Variants in YTHDC2 observed in about 807,000 individuals in gnomAD.
YTHDC2 encodes the protein 3'-5' RNA helicase YTHDC2.
Under a neutral mutation model 174.9 loss-of-function variants are expected in YTHDC2, and 45 were observed. The observed-to-expected ratio is 0.26, with a 90% CI of 0.20 to 0.33. The LOEUF (loss-of-function observed/expected upper bound fraction) is 0.33. Among genes scored for constraint, YTHDC2 ranks in the 10% least tolerant of loss-of-function variants. The probability of loss-of-function intolerance (pLI) is 1.00; values close to 1 mark genes in which losing one functional copy is unlikely to be tolerated. For missense variants in YTHDC2, 1,650 were observed against 1,723.7 expected (o/e 0.96, Z 0.76); for synonymous variants, 657 against 574.5 (o/e 1.14, Z -2.05).
Position 113,540,955 on chromosome 5 carries a change from A to G in YTHDC2, c.1211-13A>G, listed in dbSNP as rs762430108. On this transcript the variant is annotated splice_polypyrimidine_tract_variant and intron_variant, in intron 8 of 29. Coordinates refer to ENST00000161863, the MANE Select transcript of YTHDC2 (RefSeq NM_022828.5). ...GATTTGTCTACATATTCTTTCTTTGATAATTAATTTAGAAGAGAAACAACA... is the reference window on the plus strand; with the variant it reads ...GATTTGTCTACATATTCTTTCTTTGGTAATTAATTTAGAAGAGAAACAACA... The G allele has an allele frequency of 8.1e-6, 13 of 1,603,838 alleles. No individual in the cohort carries two copies. The highest frequency in any genetic ancestry group is 1.3e-5 in the African/African-American group (1 of 74,316).
intron 2 of YTHDC2, among the ~76,000 whole-genome samples, chr5:113,523,129 T>A (rs1773991253): frequency 6.6e-6 from 1 of 152,124 alleles, no homozygotes. Flanking sequence ...ATAAAGTCAG[T>A]GTTTAGTTAA....
At chr5:113,577,974 T>C (rs1309680320) in intron 23 of YTHDC2, among the ~76,000 whole-genome samples, 4 of 152,202 alleles carry the variant, frequency 2.6e-5, no homozygotes, top group Admixed American at 1.3e-4. Flanking sequence ...TATTGAATTA[T>C]ATTACCTTCA....
At position 113,581,765 on chromosome 5, in the gene YTHDC2, A is replaced by G. The variant is rs1778417103; in HGVS notation, c.3647+56A>G. The stretch of plus-strand genomic sequence containing the variant: ...CACTTTTTATTCAGGAAAATGAATT[A>G]TTTATCTTAGAATCATGTGCTTTTA... On this transcript the variant is annotated intron_variant, in intron 25 of 29. Transcript: ENST00000161863. 18 of 1,346,172 alleles carry G rather than the reference A, an allele frequency of 1.3e-5. 1 individual carries two copies. In the South Asian group the frequency reaches 3.1e-4, roughly 23 times the overall value. 83.4% of individuals were successfully genotyped at this position (1,346,172 alleles called of 1,614,324 possible).
At chr5:113,524,822 T>G (rs946815537) in intron 2 of YTHDC2, among the ~76,000 whole-genome samples, 159 bp from the exon 3 acceptor site, 1 of 152,124 alleles carries the variant, frequency 6.6e-6, no homozygotes, top group Non-Finnish European at 1.5e-5. Flanking sequence ...TTAGCCCAAA[T>G]CTTTCTTTAC....
chr5:113,568,800 G>T (rs1777529140), intron 23 of YTHDC2, among the ~76,000 whole-genome samples: 1 of 152,020 alleles, frequency 6.6e-6, no homozygotes, highest in Non-Finnish European at 1.5e-5. Context: ...TTGATTCCAT[G>T]TCTTTACTAT....
At chr5:113,514,394 C>T (rs1026378053) in intron 1 of YTHDC2, 1 of 579,552 alleles carries the variant, frequency 1.7e-6, no homozygotes, top group African/African-American at 1.8e-5. Context: ...TTGGTTAGCC[C>T]TAACCCTTTT....
chr5:113,515,915 TATTA>T, intron 2 of YTHDC2, among the ~76,000 whole-genome samples: 1 of 152,226 alleles, frequency 6.6e-6, no homozygotes. Context: ...GTGCTGTCTC[TATTA>T]AGAGTCTAGA....
At chr5:113,545,424 C>G (rs1160159433) in intron 10 of YTHDC2, among the ~76,000 whole-genome samples, 1 of 151,638 alleles carries the variant, frequency 6.6e-6, no homozygotes, top group East Asian at 1.9e-4. Context: ...CACTTTGTCA[C>G]CCAGGCTGGA....
intron 26 of YTHDC2, among the ~76,000 whole-genome samples, chr5:113,590,531 G>A (rs770584402): frequency 1.6e-4 from 25 of 152,148 alleles, no homozygotes; most frequent in Non-Finnish European, 2.8e-4. Flanking sequence ...CCAAAAACTT[G>A]TGGGAACCCC....
intron 23 of YTHDC2, among the ~76,000 whole-genome samples, chr5:113,573,977 A>G (rs1777886043): frequency 2.0e-5 from 3 of 152,160 alleles, no homozygotes. Context: ...TAGCCATCTC[A>G]GCCTCAGCCC....
chr5:113,585,236 A>T (rs889235416), intron 26 of YTHDC2, among the ~76,000 whole-genome samples: 3 of 152,058 alleles, frequency 2.0e-5, no homozygotes, highest in African/African-American at 7.2e-5. Flanking sequence ...TTAGGAAGGT[A>T]GGAGATGTTG....
intron 25 of YTHDC2, chr5:113,583,125 G>GTGTT (rs1377674014): frequency 6.6e-6 from 1 of 152,166 alleles, no homozygotes; most frequent in Non-Finnish European, 1.5e-5. Flanking sequence ...TAATGCATGA[G>GTGTT]TGTTTCTTGT....
At chr5:113,532,856 AG>A (rs1445873320) in intron 4 of YTHDC2, 22 bp from the exon 5 acceptor site, 5 of 1,591,202 alleles carry the variant, frequency 3.1e-6, no homozygotes. Context: ...GTCATCTTAC[AG>A]TTTTTAAAAC....
chr5:113,539,538 A>G (rs1244420117), intron 8 of YTHDC2, among the ~76,000 whole-genome samples: 1 of 152,214 alleles, frequency 6.6e-6, no homozygotes, highest in Non-Finnish European at 1.5e-5. Flanking sequence ...GTAGTATGTG[A>G]TTAATAACAA....
At chr5:113,518,114 T>C (rs1272059780) in intron 2 of YTHDC2, among the ~76,000 whole-genome samples, 1 of 151,840 alleles carries the variant, frequency 6.6e-6, no homozygotes, top group Non-Finnish European at 1.5e-5. Flanking sequence ...TGTCTAGATC[T>C]CCTGACCTCG....
At chr5:113,551,437 A>C (rs1776245135) in intron 12 of YTHDC2, among the ~76,000 whole-genome samples, 1 of 152,134 alleles carries the variant, frequency 6.6e-6, no homozygotes, top group Non-Finnish European at 1.5e-5. Flanking sequence ...ATTATTGATA[A>C]TTTATATCCA....
chr5:113,549,222 A>G (rs1776088632), intron 12 of YTHDC2, among the ~76,000 whole-genome samples: 3 of 152,188 alleles, frequency 2.0e-5, no homozygotes, highest in South Asian at 4.1e-4. Context: ...GGGATTTCCA[A>G]TTAAACATGG....
At chr5:113,586,851 A>G (rs901892658) in intron 26 of YTHDC2, among the ~76,000 whole-genome samples, 2 of 134,868 alleles carry the variant, frequency 1.5e-5, no homozygotes, top group African/African-American at 5.6e-5. Context: ...AGTTTCATTA[A>G]TATCTCTCTC....
At chr5:113,576,325 T>G (rs1778043554) in intron 23 of YTHDC2, among the ~76,000 whole-genome samples, 1 of 152,186 alleles carries the variant, frequency 6.6e-6, no homozygotes, top group African/African-American at 2.4e-5. Context: ...GAATGTGCTT[T>G]GAGAGACTGA....
Sources: gnomAD v4.1 joint callset for allele counts (sites outside exome capture counted in the v4.1 genomes callset) on GRCh38, gnomAD v4.1.1 for gene constraint, MANE v1.5 for transcripts, NCBI Gene and HGNC (gene_info 2026-07-23, HGNC 2026-07-21) for gene names.